Variants in AXIN1 observed in about 807,000 individuals in gnomAD.
The protein encoded by AXIN1 is axin 1.
AXIN1 carries 30 observed loss-of-function variants against 76.4 expected under a neutral mutation model. That is an observed-to-expected ratio of 0.39 (90% CI 0.29 to 0.53). The LOEUF (loss-of-function observed/expected upper bound fraction) is 0.53, where lower values mean the gene tolerates loss of function less well. AXIN1 is among the 20% of genes least tolerant of loss of function. AXIN1 has a pLI of 0.66. For synonymous variants in AXIN1, 545 were observed against 501.4 expected, an observed-to-expected ratio of 1.09 and a Z score of -1.16; for missense variants, 1,140 against 1,198.8, an observed-to-expected ratio of 0.95 and a Z score of 0.72.
chr16:312,691 CAGG>C (rs11469853), intron 3 of AXIN1, among the ~76,000 whole-genome samples: 7,981 of 152,218 alleles, frequency 0.052, 647 homozygotes, highest in African/African-American at 0.17. Context: ...TGAAAGAAAC[CAGG>C]AGAAGCCACA....
rs768488362 is a variant in AXIN1, at chr16:297,008, G to GGGT, written c.1955+45_1955+47dup. On this transcript the variant is annotated intron_variant, in intron 7 of 10. Coordinates refer to ENST00000262320, the MANE Select transcript of AXIN1 (RefSeq NM_003502.4). ...CACACTGAGACTGTGCGGAGGCCAG[G>GGGT]GGTGGCAAAGCAGGCCCCACGAGGC... The GGGT allele has an allele frequency of 5.0e-6, 8 of 1,597,388 alleles. No homozygotes were observed. The Admixed American group carries it at 1.3e-4, about 27-fold the overall frequency.
At chr16:340,529 C>T (rs1396537089) in intron 2 of AXIN1, among the ~76,000 whole-genome samples, 1 of 152,236 alleles carries the variant, frequency 6.6e-6, no homozygotes, top group Non-Finnish European at 1.5e-5. Flanking sequence ...AGCCTGAGCC[C>T]GCCAGCCAGG....
intron 7 of AXIN1, among the ~76,000 whole-genome samples, chr16:294,363 T>C (rs1361772509): frequency 1.4e-5 from 2 of 146,780 alleles, no homozygotes; most frequent in African/African-American, 5.1e-5. Flanking sequence ...CTCGGGAGGC[T>C]GAGGCAGGAG....
At chr16:318,876 C>T (rs556676005) in intron 2 of AXIN1, among the ~76,000 whole-genome samples, 1 of 151,708 alleles carries the variant, frequency 6.6e-6, no homozygotes, top group African/African-American at 2.4e-5. Context: ...GCTCTGACCC[C>T]TGGCTGTGCA....
intron 2 of AXIN1, among the ~76,000 whole-genome samples, chr16:315,585 T>C (rs1333293135): frequency 6.6e-6 from 1 of 152,172 alleles, no homozygotes; most frequent in African/African-American, 2.4e-5. Context: ...CCCAGCACTT[T>C]GGGTGGCCGA....
At chr16:312,468 G>A (rs1372106591) in intron 3 of AXIN1, among the ~76,000 whole-genome samples, 1 of 152,164 alleles carries the variant, frequency 6.6e-6, no homozygotes, top group Non-Finnish European at 1.5e-5. Context: ...TGAGTTGGCA[G>A]GTTACTTTTT....
chr16:352,205 C>A (rs951701568), intron 1 of AXIN1, among the ~76,000 whole-genome samples, 164 bp downstream of exon 1: 3 of 151,730 alleles, frequency 2.0e-5, no homozygotes, highest in Non-Finnish European at 2.9e-5. Context: ...CAAGCGGCCA[C>A]CGCGCCGCCA....
chr16:313,688 A>G (rs1397039443), intron 3 of AXIN1, among the ~76,000 whole-genome samples: 1 of 152,344 alleles, frequency 6.6e-6, no homozygotes, highest in East Asian at 1.9e-4. Flanking sequence ...ATGGGTAACC[A>G]AAACCCCAAA....
intron 5 of AXIN1, among the ~76,000 whole-genome samples, chr16:300,952 C>T (rs2052852774): frequency 6.6e-6 from 1 of 152,186 alleles, no homozygotes; most frequent in Admixed American, 6.5e-5. Flanking sequence ...CTTCTTTGTG[C>T]TTTAATTTCC....
chr16:300,167 C>A (rs1281846851), intron 5 of AXIN1, among the ~76,000 whole-genome samples: 1 of 151,988 alleles, frequency 6.6e-6, no homozygotes, highest in Non-Finnish European at 1.5e-5. Flanking sequence ...GTCTCGAACT[C>A]CTGACCTCAG....
intron 3 of AXIN1, among the ~76,000 whole-genome samples, chr16:310,932 T>C (rs1293211384): frequency 1.3e-5 from 2 of 152,214 alleles, no homozygotes; most frequent in African/African-American, 2.4e-5. Flanking sequence ...CACGGAAAGA[T>C]AGGAGATGCC....
rs761244199 is a variant in AXIN1, at chr16:291,185, C to T, written c.2294+5G>A. On this transcript the variant is annotated splice_donor_5th_base_variant and intron_variant, in intron 9 of 10. Transcript: ENST00000262320. Reference sequence around the variant, plus strand: ...GGACCGGGAGGACCCTCAGGACGCACGTACTCTGTCTCGGAGAGCTCCATG... The same window carrying T: ...GGACCGGGAGGACCCTCAGGACGCATGTACTCTGTCTCGGAGAGCTCCATG... 2.3e-5 allele frequency: 36 copies of T among 1,575,534 alleles called. No individual in the cohort carries two copies. The East Asian group carries it at 3.7e-4, about 16-fold the overall frequency.
intron 2 of AXIN1, among the ~76,000 whole-genome samples, chr16:333,087 A>G (rs2053727416): frequency 6.6e-6 from 1 of 152,132 alleles, no homozygotes; most frequent in South Asian, 2.1e-4. Context: ...TAATCCCAGC[A>G]CTTTGGAGGC....
At chr16:296,954 C>G (rs747385430) in intron 7 of AXIN1, 102 bp downstream of exon 7, 1 of 1,414,336 alleles carries the variant, frequency 7.1e-7, no homozygotes, top group Admixed American at 1.7e-5. Context: ...GCGTCACAGG[C>G]GACACTCGCC....
intron 9 of AXIN1, 72 bp downstream of exon 9, chr16:291,118 T>TACGATGGGACCTGGCTTGGG: frequency 1.4e-6 from 2 of 1,445,020 alleles, no homozygotes; most frequent in African/African-American, 2.8e-5. Context: ...ACGGCGGCTC[T>TACGATGGGACCTGGCTTGGG]ACGATGGGAC....
chr16:293,681 A>G lies in AXIN1; in HGVS notation c.1993T>C (p.Ser665Pro), dbSNP rs767980294. Residue 665 changes from serine (S) to proline (P), a missense_variant, in exon 8 of 11, where the codon TCC becomes CCC. Physicochemically the swap from Ser to Pro is moderately conservative, Grantham distance 74. Coordinates refer to ENST00000262320, the MANE Select transcript of AXIN1 (RefSeq NM_003502.4). The surrounding 1 kb of genome is among the most constrained non-coding windows in gnomAD (Gnocchi z 4.6). ...GGGTGCTCAAGGGACAAGGGTCTGG[A>G]GTTCTCATGGGGCTGTGGCTTCCTC... ...GTRKPQPHEN[S>P]RPLSLEHPWA... 6.2e-7 allele frequency: 1 copy of G among 1,613,724 alleles called. No individual in the cohort carries two copies. The highest frequency in any genetic ancestry group is 8.5e-7 in the Non-Finnish European group (1 of 1,179,994).
At chr16:311,974 G>A (rs1454228222) in intron 3 of AXIN1, among the ~76,000 whole-genome samples, 2 of 152,152 alleles carry the variant, frequency 1.3e-5, no homozygotes, top group East Asian at 3.9e-4. Context: ...TGTGGGCAAT[G>A]GTGAGCCGAG....
chr16:345,862 T>G (rs1271873411), intron 2 of AXIN1, among the ~76,000 whole-genome samples: 1 of 152,152 alleles, frequency 6.6e-6, no homozygotes, highest in African/African-American at 2.4e-5. Flanking sequence ...TGCTGAAGGG[T>G]AAAGTTTACA....
chr16:332,782 T>C (rs2053721827), intron 2 of AXIN1, among the ~76,000 whole-genome samples: 1 of 151,370 alleles, frequency 6.6e-6, no homozygotes. Context: ...ATATGAAAGA[T>C]TTAAAATTTA....
Sources: allele counts gnomAD v4.1 joint callset (sites outside exome capture counted in the v4.1 genomes callset), GRCh38; gene constraint gnomAD v4.1.1; non-coding constraint Gnocchi (gnomAD v3.1); transcripts MANE v1.5; gene names NCBI Gene and HGNC (gene_info 2026-07-23, HGNC 2026-07-21).